Variants in DGKB observed in about 807,000 individuals in gnomAD.
DGKB encodes diacylglycerol kinase beta.
DGKB carries 67 observed loss-of-function variants against 114.3 expected under a neutral mutation model. The ratio of observed to expected loss-of-function variants is 0.59; its 90% CI spans 0.48 to 0.72. DGKB has a LOEUF of 0.72. Among genes scored for constraint, DGKB ranks in the 30% least tolerant of loss-of-function variants. The pLI, the probability that DGKB is intolerant of heterozygous loss-of-function variation, is 0.00. For synonymous variants in DGKB, 398 were observed against 323.1 expected, an observed-to-expected ratio of 1.23 and a Z score of -2.49; for missense variants, 907 against 975.2, an observed-to-expected ratio of 0.93 and a Z score of 0.93.
At position 14,574,176 on chromosome 7, in the gene DGKB, A is replaced by C. The variant is rs371179048; in HGVS notation, c.1770+36T>G. Reference sequence around the variant, plus strand: ...AGTTTTCTCACTGTGATTATACAGTACAGGTACAAAGGTAAAATTTAGTGG... The same window carrying C: ...AGTTTTCTCACTGTGATTATACAGTCCAGGTACAAAGGTAAAATTTAGTGG... On this transcript the variant is annotated intron_variant, in intron 20 of 25. Transcript: ENST00000402815. 2.7e-4 allele frequency: 432 copies of C among 1,572,212 alleles called. 3 individuals are homozygous for C. In the Middle Eastern group the frequency reaches 6.9e-3, roughly 25 times the overall value.
chr7:14,238,987 A>G (rs971083184), intron 23 of DGKB, among the ~76,000 whole-genome samples: 4 of 152,090 alleles, frequency 2.6e-5, no homozygotes, highest in African/African-American at 9.7e-5. Context: ...TTTGTCAGCA[A>G]TGGAGCATTT....
At chr7:14,786,903 T>A (rs535419839) in intron 2 of DGKB, among the ~76,000 whole-genome samples, 2 of 149,098 alleles carry the variant, frequency 1.3e-5, no homozygotes, top group Non-Finnish European at 2.9e-5. Flanking sequence ...GATGACGGGG[T>A]GACTGCCTGT....
chr7:14,592,814 TTTTAA>T (rs1403847419), intron 17 of DGKB, among the ~76,000 whole-genome samples: 6 of 151,950 alleles, frequency 3.9e-5, no homozygotes. Flanking sequence ...TCTCTCAACA[TTTTAA>T]TTTAAAGTAA....
rs1463141725 is a variant in DGKB at position 14,729,123 on chromosome 7, C to CTTTCTTTTTTTTTT, written c.322+6917_322+6918insAAAAAAAAAAGAAA. Among the ~76,000 whole-genome samples the CTTTCTTTTTTTTTT allele has an allele frequency of 8.5e-3, 966 of 113,312 alleles. 13 individuals carry two copies. The highest frequency in any genetic ancestry group is 0.012 in the Non-Finnish European group (716 of 57,296). 74.3% of individuals were successfully genotyped at this position (113,312 alleles called of 152,430 possible). ...AATGGAAACGGGTTTCATTTTCTTTCTTTTTTTTTTTTTTTTTTTGATGGA... is the reference window on the plus strand; with the variant it reads ...AATGGAAACGGGTTTCATTTTCTTTCTTTCTTTTTTTTTTTTTTTTTTTTTTTTTTTTTGATGGA... On this transcript the variant is annotated intron_variant, in intron 5 of 25. Coordinates refer to ENST00000402815, the MANE Select transcript of DGKB (RefSeq NM_001350709.2).
In DGKB at chr7:14,698,185, A is replaced by T; in HGVS notation, c.517-16T>A. The T allele has an allele frequency of 6.8e-7, 1 of 1,466,068 alleles. No individual in the cohort carries two copies. The highest frequency in any genetic ancestry group is 9.2e-7 in the Non-Finnish European group (1 of 1,091,288). 90.8% of individuals were successfully genotyped at this position (1,466,068 alleles called of 1,614,324 possible). On this transcript the variant is annotated splice_polypyrimidine_tract_variant and intron_variant, in intron 7 of 25. Transcript: ENST00000402815. ...TTTCTAGCTCCTGGAAGAGAAAGAG[A>T]GATAAAAAATATGAATACAAGATCT...
At chr7:14,660,635 G>A (rs566358318) in intron 13 of DGKB, among the ~76,000 whole-genome samples, 3 of 151,642 alleles carry the variant, frequency 2.0e-5, no homozygotes, top group African/African-American at 7.3e-5. Context: ...CTTGCTAGCG[G>A]TTTATCAATT....
chr7:14,261,134 C>T lies in DGKB; in HGVS notation c.2122+77381G>A, dbSNP rs150344668. Among the ~76,000 whole-genome samples, 425 of 151,834 alleles carry T rather than the reference C, an allele frequency of 2.8e-3. 2 individuals are homozygous for T. Among genetic ancestry groups the T allele is most frequent in the African/African-American group, 9.4e-3 (391 of 41,436 alleles). On this transcript the variant is annotated intron_variant, in intron 23 of 25. Transcript: ENST00000402815. ...TAGATTTTCTTAATGATATTTTAAC[C>T]GGTCTAAATTATGCAGGCAATTGTT...
intron 2 of DGKB, among the ~76,000 whole-genome samples, chr7:14,819,642 A>G (rs2128099530): frequency 6.6e-6 from 1 of 152,268 alleles, no homozygotes; most frequent in South Asian, 2.1e-4. Flanking sequence ...CATCCCTATG[A>G]CACACATATG....
intron 1 of DGKB, among the ~76,000 whole-genome samples, chr7:14,972,990 T>C (rs1207496788): frequency 1.3e-5 from 2 of 151,984 alleles, no homozygotes; most frequent in Admixed American, 6.6e-5. Flanking sequence ...ATGATAAAAA[T>C]AGGTTAGATG....
intron 23 of DGKB, among the ~76,000 whole-genome samples, chr7:14,244,334 T>A (rs1794114355): frequency 6.6e-6 from 1 of 152,050 alleles, no homozygotes; most frequent in Non-Finnish European, 1.5e-5. Flanking sequence ...CAAATTCATC[T>A]GTTAAACCTG....
At chr7:14,558,284 T>C (rs1796158837) in intron 20 of DGKB, among the ~76,000 whole-genome samples, 1 of 151,898 alleles carries the variant, frequency 6.6e-6, no homozygotes, top group African/African-American at 2.4e-5. Flanking sequence ...ATTTCTGCTA[T>C]AAATATTAAA....
chr7:14,213,110 T>C (rs1033426709), intron 23 of DGKB, among the ~76,000 whole-genome samples: 4 of 149,920 alleles, frequency 2.7e-5, no homozygotes, highest in African/African-American at 1.0e-4. Context: ...TCAATTTTTA[T>C]AAAAAAATGG....
chr7:14,630,541 C>A (rs1809488764), intron 13 of DGKB, among the ~76,000 whole-genome samples: 1 of 152,036 alleles, frequency 6.6e-6, no homozygotes, highest in African/African-American at 2.4e-5. Flanking sequence ...CATCTTTGGT[C>A]AGCTTTAGCT....
chr7:14,436,803 T>A (rs1181590102), intron 21 of DGKB, among the ~76,000 whole-genome samples: 1 of 152,124 alleles, frequency 6.6e-6, no homozygotes, highest in Non-Finnish European at 1.5e-5. Flanking sequence ...ACCTTTGTTT[T>A]AATTAATGAA....
intron 20 of DGKB, among the ~76,000 whole-genome samples, chr7:14,511,372 T>A (rs976917122): frequency 6.6e-6 from 1 of 152,218 alleles, no homozygotes; most frequent in Non-Finnish European, 1.5e-5. Context: ...GGAGATGGCT[T>A]CTTTCCTTAA....
chr7:14,223,218 GCTTT>G (rs1195302871), intron 23 of DGKB, among the ~76,000 whole-genome samples: 2 of 151,306 alleles, frequency 1.3e-5, no homozygotes. Flanking sequence ...TAAATCTATT[GCTTT>G]CTTTTGCATT....
intron 23 of DGKB, among the ~76,000 whole-genome samples, chr7:14,271,866 T>A (rs1798319147): frequency 6.6e-6 from 1 of 152,186 alleles, no homozygotes; most frequent in Non-Finnish European, 1.5e-5. Flanking sequence ...CCTAGCTGAA[T>A]TATGTTTCTT....
At position 14,170,003 on chromosome 7, in the gene DGKB, A is replaced by T. The variant is rs111898693; in HGVS notation, c.2304+6836T>A. Among the ~76,000 whole-genome samples, 21 of 151,600 alleles carry T rather than the reference A, an allele frequency of 1.4e-4. No individual in the cohort carries two copies. In the South Asian group the frequency reaches 4.0e-3, roughly 29 times the overall value. ...TACAAAATTAGCCAGGTGTGGTGGC[A>T]CATGCCTGTAATCCCAGCTACTTGG... On this transcript the variant is annotated intron_variant, in intron 25 of 25. Coordinates refer to ENST00000402815, the MANE Select transcript of DGKB (RefSeq NM_001350709.2).
intron 21 of DGKB, among the ~76,000 whole-genome samples, chr7:14,408,328 G>A (rs887032018): frequency 6.6e-6 from 1 of 152,028 alleles, no homozygotes; most frequent in African/African-American, 2.4e-5. Context: ...TTTTTGTCTT[G>A]GAGGGAGTAA....
Sources: allele counts gnomAD v4.1 joint callset (sites outside exome capture counted in the v4.1 genomes callset), GRCh38; gene constraint gnomAD v4.1.1; transcripts MANE v1.5; gene names NCBI Gene and HGNC (gene_info 2026-07-23, HGNC 2026-07-21).